The following MFAP3L variants were observed in gnomAD, a reference collection of about 807,000 sequenced individuals.
The protein encoded by MFAP3L is microfibrillar-associated protein 3-like.
A neutral mutation model predicts 20.0 loss-of-function variants in MFAP3L; 5 were observed. That is an observed-to-expected ratio of 0.25 (90% confidence interval 0.13 to 0.53). MFAP3L has a LOEUF of 0.53. Among genes scored for constraint, MFAP3L ranks in the 20% least tolerant of loss-of-function variants. The probability of loss-of-function intolerance (pLI) is 0.96; values close to 1 mark genes in which losing one functional copy is unlikely to be tolerated. For synonymous variants in MFAP3L, 219 were observed against 213.0 expected (o/e 1.03, Z -0.25); for missense variants, 409 against 527.5 (o/e 0.78, Z 2.20).
At chr4:170,001,456 C>G (rs1274077523) in intron 2 of MFAP3L, among the ~76,000 whole-genome samples, 1 of 152,196 alleles carries the variant, frequency 6.6e-6, no homozygotes, top group Non-Finnish European at 1.5e-5. Context: ...AAAAACCTAA[C>G]TTAATGGAAG....
At chr4:169,994,647 A>G (rs2110927998) in intron 2 of MFAP3L, 1 of 679,550 alleles carries the variant, frequency 1.5e-6, no homozygotes, top group South Asian at 6.7e-5. Context: ...ACTTACAGGC[A>G]CTTCAAACAT....
chr4:169,997,512 C>A (rs764132905), intron 2 of MFAP3L, among the ~76,000 whole-genome samples: 8 of 152,124 alleles, frequency 5.3e-5, no homozygotes, highest in Non-Finnish European at 7.4e-5. Context: ...AGGCTATGAA[C>A]AGATCATTGG....
rs1433732311 is a variant in MFAP3L at position 169,988,021 on chromosome 4, A to C, written c.*3357T>G. 2.6e-5 allele frequency: 4 copies of C among 152,202 alleles called. No individual in the cohort carries two copies. Among genetic ancestry groups the C allele is most frequent in the African/African-American group, 7.2e-5 (3 of 41,452 alleles). 9.4% of individuals were successfully genotyped at this position (152,202 alleles called of 1,614,324 possible). ...TTTCAACCTTAGTTGTGAAAAACAA[A>C]TGCTCATAAGCATCCAAGACAAATC... On this transcript the variant is annotated 3_prime_UTR_variant, in exon 3 of 3. Coordinates refer to ENST00000361618, the MANE Select transcript of MFAP3L (RefSeq NM_021647.8).
chr4:169,998,780 T>C (rs983339641), intron 2 of MFAP3L, among the ~76,000 whole-genome samples: 1 of 152,228 alleles, frequency 6.6e-6, no homozygotes, highest in African/African-American at 2.4e-5. Context: ...CACCCATGCT[T>C]TTCCAGGAGA....
chr4:170,001,984 C>T (rs1184911563), intron 2 of MFAP3L: 1 of 985,330 alleles, frequency 1.0e-6, no homozygotes. Flanking sequence ...AGAAACGAGA[C>T]ATGAAATTGC....
At chr4:170,022,218 T>C (rs1454038435) in intron 1 of MFAP3L, among the ~76,000 whole-genome samples, 2 of 152,202 alleles carry the variant, frequency 1.3e-5, no homozygotes, top group African/African-American at 2.4e-5. Context: ...TTCAGATGAA[T>C]CCAGAGACCT....
intron 1 of MFAP3L, 22 bp downstream of exon 1, chr4:170,026,212 C>T (rs1467755400): frequency 2.0e-6 from 2 of 984,350 alleles, no homozygotes; most frequent in Admixed American, 1.2e-4. Flanking sequence ...TCCGCCCCGG[C>T]CCGCCGGGGG....
chr4:170,009,825 CATGT>C (rs1230363101), intron 1 of MFAP3L, among the ~76,000 whole-genome samples: 1 of 152,118 alleles, frequency 6.6e-6, no homozygotes, highest in Non-Finnish European at 1.5e-5. Flanking sequence ...GACTGTTGCC[CATGT>C]ATTTCTGGAG....
chr4:170,004,598 C>T (rs1384079119), intron 2 of MFAP3L, among the ~76,000 whole-genome samples: 1 of 152,054 alleles, frequency 6.6e-6, no homozygotes, highest in African/African-American at 2.4e-5. Context: ...TCACTTAGCT[C>T]CTAAGGAGAT....
chr4:170,018,594 A>G (rs1281108279), intron 1 of MFAP3L, among the ~76,000 whole-genome samples: 1 of 152,218 alleles, frequency 6.6e-6, no homozygotes, highest in Non-Finnish European at 1.5e-5. Flanking sequence ...ACAGAGGCAC[A>G]ATGAGAAATG....
chr4:169,995,146 ATGTCACTTAGAATTCTGG>A (rs1286971244), intron 2 of MFAP3L: 1 of 152,206 alleles, frequency 6.6e-6, no homozygotes, highest in Admixed American at 6.5e-5. Flanking sequence ...GGTAATGTTA[ATGTCACTTAGAATTCTGG>A]GTGAGATATG....
rs143327180 is a variant in MFAP3L, at chr4:170,017,864, T to C, written c.-134+8370A>G. Among the ~76,000 whole-genome samples, 171 of 152,258 alleles carry C rather than the reference T, an allele frequency of 1.1e-3. 1 individual carries two copies. The highest frequency in any genetic ancestry group is 3.9e-3 in the African/African-American group (163 of 41,542). ...CAGCTTTGATGGAAAGGGGCCCTGTTAGGCTGAGCACACTTTCCAGGTGAT... is the reference window on the plus strand; with the variant it reads ...CAGCTTTGATGGAAAGGGGCCCTGTCAGGCTGAGCACACTTTCCAGGTGAT... On this transcript the variant is annotated intron_variant, in intron 1 of 2. Coordinates refer to ENST00000361618, the MANE Select transcript of MFAP3L (RefSeq NM_021647.8).
At chr4:170,018,762 CA>C (rs1158372148) in intron 1 of MFAP3L, among the ~76,000 whole-genome samples, 1 of 151,294 alleles carries the variant, frequency 6.6e-6, no homozygotes, top group Non-Finnish European at 1.5e-5. Flanking sequence ...TAGGATTGTC[CA>C]AACCTTGAAG....
chr4:170,022,277 T>C (rs1031224661), intron 1 of MFAP3L, among the ~76,000 whole-genome samples: 1 of 152,234 alleles, frequency 6.6e-6, no homozygotes, highest in African/African-American at 2.4e-5. Flanking sequence ...TGACCACCTC[T>C]TGTTGGACTT....
intron 1 of MFAP3L, among the ~76,000 whole-genome samples, chr4:170,021,049 C>T (rs568616264): frequency 6.6e-6 from 1 of 151,914 alleles, no homozygotes; most frequent in African/African-American, 2.4e-5. Context: ...CCGGAAAGAA[C>T]ACAGAGGGCC....
chr4:170,005,631 A>T lies in MFAP3L; in HGVS notation c.247T>A (p.Ser83Thr). The T allele has an allele frequency of 6.2e-7, 1 of 1,614,166 alleles. No individual in the cohort carries two copies. Among genetic ancestry groups the T allele is most frequent in the Non-Finnish European group, 8.5e-7 (1 of 1,180,024 alleles). ...TCTTCTTTCAGCAGCTTGCCAATGG[A>T]ATTATACCACTTGAACTGTGGGTCA... is the stretch of plus-strand genomic sequence containing the variant. The part of the protein sequence containing the change: ...IPDPQFKWYN[S>T]IGKLLKEEED... Residue 83 changes from serine (S) to threonine (T), a missense_variant, in exon 2 of 3, where the codon TCC (serine) becomes ACC (threonine). By Grantham distance (58) the Ser-to-Thr change is moderately conservative. Around this residue, in one of 3 missense-constraint regions of MFAP3L, gnomAD observed 113 missense variants for 131.1 expected, o/e 0.86. Transcript: ENST00000361618.
In MFAP3L at chr4:169,992,348, A is replaced by G; in HGVS notation, c.299-39T>C. 1 of 1,519,902 alleles carries G rather than the reference A, an allele frequency of 6.6e-7. No individual in the cohort carries two copies. Among genetic ancestry groups the G allele is most frequent in the Non-Finnish European group, 9.0e-7 (1 of 1,112,390 alleles). 94.2% of individuals were successfully genotyped at this position (1,519,902 alleles called of 1,614,324 possible). A position where few individuals can be genotyped will look rare whatever the true frequency, so the allele number is the denominator to read the frequency against. ...GAGAAGAGAATTCAACCAAGGACAC[A>G]GAGCTCCCATGACTACAAACTGATA... On this transcript the variant is annotated intron_variant, in intron 2 of 2. Coordinates refer to ENST00000361618, the MANE Select transcript of MFAP3L (RefSeq NM_021647.8). The surrounding 1 kb of genome is among the most constrained non-coding windows in gnomAD (Gnocchi z 4.3).
At chr4:169,998,045 AG>A (rs1458692739) in intron 2 of MFAP3L, among the ~76,000 whole-genome samples, 4 of 152,230 alleles carry the variant, frequency 2.6e-5, no homozygotes, top group Non-Finnish European at 4.4e-5. Flanking sequence ...AATCTTTTTA[AG>A]AACAGTGTTT....
At position 169,989,005 on chromosome 4, in the gene MFAP3L, A is replaced by G. The variant is rs1471737921; in HGVS notation, c.*2373T>C. The G allele has an allele frequency of 6.6e-6, 1 of 152,204 alleles. No individual in the cohort carries two copies. Among genetic ancestry groups the G allele is most frequent in the Admixed American group, 6.5e-5 (1 of 15,284 alleles). The allele number at this position is 152,204 out of a possible 1,614,324, so 9.4% of individuals were successfully genotyped here. A position where few individuals can be genotyped will look rare whatever the true frequency, so the allele number is the denominator to read the frequency against. On this transcript the variant is annotated 3_prime_UTR_variant, in exon 3 of 3. Transcript: ENST00000361618. ...CCTACACATGGGTTTGGGTGGAATG[A>G]CAACTGAATAGGATGGGGTAACATC...
Sources: allele counts gnomAD v4.1 joint callset (sites outside exome capture counted in the v4.1 genomes callset), GRCh38; gene constraint gnomAD v4.1.1; regional missense constraint gnomAD v4.1.1; non-coding constraint Gnocchi (gnomAD v3.1); transcripts MANE v1.5; gene names NCBI Gene and HGNC (gene_info 2026-07-23, HGNC 2026-07-21).